LONP2: variants seen among roughly 807,000 people sequenced by gnomAD.
The protein encoded by LONP2 is lon protease homolog 2, peroxisomal.
LONP2 carries 60 observed loss-of-function variants against 85.6 expected under a neutral mutation model. The observed-to-expected ratio is 0.70, with a 90% confidence interval of 0.57 to 0.87. The LOEUF is 0.87. Ranked by LOEUF, LONP2 falls within the 40% of genes least tolerant of loss-of-function variation. LONP2 has a pLI of 0.00. For missense variants in LONP2, 860 were observed against 1,063.5 expected, an observed-to-expected ratio of 0.81 and a Z score of 2.66; for synonymous variants, 395 against 389.7, an observed-to-expected ratio of 1.01 and a Z score of -0.16.
chr16:48,361,565 T>C (rs2151043616), downstream of LONP2: 5 of 1,608,718 alleles, frequency 3.1e-6, no homozygotes, highest in Non-Finnish European at 4.2e-6. Flanking sequence ...GGCCAGAAAA[T>C]GTTTGATTGC....
At chr16:48,336,968 A>G (rs1405027959) in intron 12 of LONP2, among the ~76,000 whole-genome samples, 1 of 152,186 alleles carries the variant, frequency 6.6e-6, no homozygotes, top group African/African-American at 2.4e-5. Context: ...CCAGCCCCAA[A>G]TTACTTAACC....
chr16:48,336,596 T>A, intron 12 of LONP2: 1 of 365,156 alleles, frequency 2.7e-6, no homozygotes, highest in South Asian at 2.0e-5. Flanking sequence ...TCAAAGGGGG[T>A]TGTTCTCTTG....
At chr16:48,246,899 C>T (rs1200372589) in intron 1 of LONP2, among the ~76,000 whole-genome samples, 1 of 146,928 alleles carries the variant, frequency 6.8e-6, no homozygotes, top group Non-Finnish European at 1.5e-5. Flanking sequence ...TTATGAAAAT[C>T]CCTCCAAAGC....
chr16:48,250,977 T>C (rs1971631219), intron 1 of LONP2, among the ~76,000 whole-genome samples: 1 of 152,258 alleles, frequency 6.6e-6, no homozygotes, highest in Admixed American at 6.5e-5. Flanking sequence ...TCAGTTTTTA[T>C]TGTAAACATG....
At chr16:48,291,645 A>T (rs957292146) in intron 8 of LONP2, among the ~76,000 whole-genome samples, 2 of 152,162 alleles carry the variant, frequency 1.3e-5, no homozygotes, top group African/African-American at 4.8e-5. Flanking sequence ...AAACAGCCCT[A>T]ATTATTTTTG....
chr16:48,361,073 T>G (rs914037838), downstream of LONP2: 2 of 152,632 alleles, frequency 1.3e-5, no homozygotes, highest in African/African-American at 4.8e-5. Flanking sequence ...TCAAATTTAT[T>G]TAATGAAAAA....
intron 11 of LONP2, among the ~76,000 whole-genome samples, chr16:48,315,107 G>A (rs559479046): frequency 6.6e-6 from 1 of 152,290 alleles, no homozygotes; most frequent in East Asian, 1.9e-4. Context: ...CATAGGCTTT[G>A]CTTTGTAGCT....
At chr16:48,245,877 C>A (rs1024426424) in intron 1 of LONP2, among the ~76,000 whole-genome samples, 4 of 152,062 alleles carry the variant, frequency 2.6e-5, no homozygotes, top group African/African-American at 9.7e-5. Flanking sequence ...TTCAAACTCA[C>A]CTGCCAAGCA....
chr16:48,313,019 C>G (rs577191662), intron 11 of LONP2, among the ~76,000 whole-genome samples: 15 of 152,120 alleles, frequency 9.9e-5, no homozygotes, highest in East Asian at 1.9e-4. Flanking sequence ...CAGAGGCTGC[C>G]TCATACATTG....
At chr16:48,271,335 G>T (rs1488140366) in intron 7 of LONP2, among the ~76,000 whole-genome samples, 1 of 152,196 alleles carries the variant, frequency 6.6e-6, no homozygotes. Flanking sequence ...TGGTTTAAGG[G>T]ATTCATAGCA....
chr16:48,305,026 G>A (rs981736242), intron 11 of LONP2, among the ~76,000 whole-genome samples: 7 of 152,188 alleles, frequency 4.6e-5, no homozygotes, highest in African/African-American at 1.4e-4. Context: ...TACAGCAGTA[G>A]CATCAGAGTC....
chr16:48,253,540 G>A (rs1432142251), intron 2 of LONP2, among the ~76,000 whole-genome samples: 3 of 152,034 alleles, frequency 2.0e-5, no homozygotes, highest in Non-Finnish European at 4.4e-5. Flanking sequence ...AGCACTTTGA[G>A]GAAAGAAATT....
chr16:48,245,180 C>T (rs1020559982), intron 1 of LONP2, among the ~76,000 whole-genome samples: 27 of 152,262 alleles, frequency 1.8e-4, no homozygotes, highest in African/African-American at 6.5e-4. Flanking sequence ...CTCCTTCTCC[C>T]CCTAATCCTT....
chr16:48,317,082 A>C (rs1419215136), intron 11 of LONP2, among the ~76,000 whole-genome samples: 4 of 152,168 alleles, frequency 2.6e-5, no homozygotes, highest in Admixed American at 6.5e-5. Flanking sequence ...TACTCCCAGG[A>C]TGTAGTTCTT....
intron 1 of LONP2, among the ~76,000 whole-genome samples, chr16:48,245,492 C>G (rs907581451): frequency 2.0e-5 from 3 of 152,150 alleles, no homozygotes; most frequent in African/African-American, 4.8e-5. Context: ...ACTTTGCTGT[C>G]CAGTACTGTG....
At chr16:48,269,483 C>T (rs954320532) in intron 6 of LONP2, among the ~76,000 whole-genome samples, 1 of 151,960 alleles carries the variant, frequency 6.6e-6, no homozygotes, top group Non-Finnish European at 1.5e-5. Context: ...AAACATTTTA[C>T]AAAACTTAAA....
At chr16:48,275,361 G>A (rs1036376877) in intron 7 of LONP2, among the ~76,000 whole-genome samples, 1 of 152,140 alleles carries the variant, frequency 6.6e-6, no homozygotes, top group Non-Finnish European at 1.5e-5. Context: ...TGGCACGGTG[G>A]ATCTGGTGGG....
Position 48,303,212 on chromosome 16 carries a change from C to T in LONP2, c.1702C>T (p.Leu568Phe), listed in dbSNP as rs750362594. The T allele has an allele frequency of 8.1e-6, 13 of 1,613,898 alleles. No individual in the cohort carries two copies. Among genetic ancestry groups the T allele is most frequent in the Non-Finnish European group, 1.0e-5 (12 of 1,180,020 alleles). ...EAGVRSLDRK[L>F]GAICRAVAVK... is the part of the protein sequence containing the mutation. ...AGGGGTTCGTTCTCTGGATAGAAAA[C>T]TTGGGGCCATTTGCCGAGCTGTGGC... The change falls in exon 11 of 15, where the codon CTT becomes TTT. Residue 568 changes from leucine to phenylalanine, a missense_variant. Transcript: ENST00000285737.
chr16:48,314,288 G>A lies in LONP2; in HGVS notation c.1795+10983G>A, dbSNP rs140070131. 5.1e-4 allele frequency among the ~76,000 whole-genome samples: 78 copies of A among 152,060 alleles called. 1 individual carries two copies. In the East Asian group the frequency reaches 0.014, roughly 26 times the overall value. On this transcript the variant is annotated intron_variant, in intron 11 of 14. Transcript: ENST00000285737. Reference sequence around the variant, plus strand: ...CTCTGATGATACTTTCTTTTGCTGTGCAGAAGCTCTTTAGTTTAATTAGAT... The same window carrying A: ...CTCTGATGATACTTTCTTTTGCTGTACAGAAGCTCTTTAGTTTAATTAGAT...
Sources: gnomAD v4.1 joint callset for allele counts (sites outside exome capture counted in the v4.1 genomes callset) on GRCh38, gnomAD v4.1.1 for gene constraint, MANE v1.5 for transcripts, NCBI Gene and HGNC (gene_info 2026-07-23, HGNC 2026-07-21) for gene names.